Variants in GALNT2 observed in about 807,000 individuals in gnomAD.
The protein encoded by GALNT2 is polypeptide N-acetylgalactosaminyltransferase 2, also known as UDP-GalNAc:polypeptide N-acetylgalactosaminyltransferase 2.
In GALNT2, 31 loss-of-function variants were observed where a neutral mutation model predicts 81.4. The observed-to-expected ratio is 0.38, with a 90% confidence interval of 0.29 to 0.51. The LOEUF is 0.51. Among genes scored for constraint, GALNT2 ranks in the 20% least tolerant of loss-of-function variants. The pLI is 0.87. For missense variants in GALNT2, 629 were observed against 765.7 expected (o/e 0.82, Z 2.11); for synonymous variants, 303 against 287.4 (o/e 1.05, Z -0.55).
intron 1 of GALNT2, among the ~76,000 whole-genome samples, chr1:230,087,008 T>C (rs1056814471): frequency 2.6e-5 from 4 of 152,232 alleles, no homozygotes; most frequent in Non-Finnish European, 5.9e-5. Flanking sequence ...TGTTGCCTGG[T>C]GAGCACTTAA....
intron 6 of GALNT2, among the ~76,000 whole-genome samples, chr1:230,241,021 T>C (rs1665184080): frequency 6.6e-6 from 1 of 152,240 alleles, no homozygotes; most frequent in African/African-American, 2.4e-5. Flanking sequence ...TTTCAGATAA[T>C]TTCATTTTTA....
chr1:230,081,163 AG>A (rs1399171875), intron 1 of GALNT2, among the ~76,000 whole-genome samples: 1 of 152,122 alleles, frequency 6.6e-6, no homozygotes, highest in South Asian at 2.1e-4. Flanking sequence ...GTGAGGATGA[AG>A]GGGCTCCTGC....
intron 6 of GALNT2, among the ~76,000 whole-genome samples, chr1:230,242,505 G>A (rs1428348994): frequency 1.3e-5 from 2 of 151,918 alleles, no homozygotes; most frequent in African/African-American, 4.8e-5. Context: ...ACAACATCCA[G>A]GGATAAATAT....
intron 3 of GALNT2, among the ~76,000 whole-genome samples, chr1:230,210,855 G>A (rs1175303475): frequency 6.6e-6 from 1 of 152,204 alleles, no homozygotes; most frequent in Non-Finnish European, 1.5e-5. Context: ...TTTAAGAGTG[G>A]CTAATCAGGA....
chr1:230,200,364 A>C (rs1462506220), intron 2 of GALNT2, among the ~76,000 whole-genome samples: 2 of 152,126 alleles, frequency 1.3e-5, no homozygotes, highest in African/African-American at 4.8e-5. Flanking sequence ...CGCCCGGCCT[A>C]GTACAGTCAT....
intron 1 of GALNT2, among the ~76,000 whole-genome samples, chr1:230,134,075 T>C (rs542040085): frequency 1.6e-4 from 25 of 152,070 alleles, no homozygotes; most frequent in Non-Finnish European, 2.5e-4. Flanking sequence ...GTTGGTTTGC[T>C]TGATTTTGAT....
chr1:230,163,981 G>C (rs1572037506), intron 1 of GALNT2, among the ~76,000 whole-genome samples: 2 of 152,322 alleles, frequency 1.3e-5, no homozygotes, highest in South Asian at 2.1e-4. Context: ...ATGTGACACT[G>C]GATACACTGC....
chr1:230,279,084 C>A lies in GALNT2; in HGVS notation c.1561-219C>A, dbSNP rs1354816991. On this transcript the variant is annotated intron_variant, in intron 15 of 15. Transcript: ENST00000366672. This position sits in a 1 kb window ranked among gnomAD's most constrained non-coding sequence, Gnocchi z 4.6. ...GGCAGGAGACGTTCTGAGTTTTGAT[C>A]CAAGGCAGAGAATATGTTTCCTTCC... Among the ~76,000 whole-genome samples, 1 of 152,210 alleles carries A rather than the reference C, an allele frequency of 6.6e-6. No homozygotes were observed. Among genetic ancestry groups the A allele is most frequent in the East Asian group, 1.9e-4 (1 of 5,200 alleles).
At chr1:230,072,713 A>G (rs1443066695) in intron 1 of GALNT2, among the ~76,000 whole-genome samples, 1 of 152,178 alleles carries the variant, frequency 6.6e-6, no homozygotes, top group Non-Finnish European at 1.5e-5. Context: ...GCTGGTTGTT[A>G]AATATGCTCT....
intron 1 of GALNT2, among the ~76,000 whole-genome samples, chr1:230,132,774 C>T (rs979410860): frequency 1.3e-5 from 2 of 152,192 alleles, no homozygotes; most frequent in African/African-American, 2.4e-5. Context: ...TGTTTCTCTT[C>T]TTTCTGAATT....
chr1:230,251,902 G>A (rs1011460483), intron 10 of GALNT2, among the ~76,000 whole-genome samples: 2 of 152,128 alleles, frequency 1.3e-5, no homozygotes, highest in African/African-American at 4.8e-5. Flanking sequence ...AGACTGGGGG[G>A]TAGATTTGTT....
intron 1 of GALNT2, among the ~76,000 whole-genome samples, chr1:230,145,205 G>C (rs1414006780): frequency 6.6e-6 from 1 of 151,996 alleles, no homozygotes; most frequent in African/African-American, 2.4e-5. Flanking sequence ...CCCATTCTCA[G>C]ATCGCCCCCT....
intron 2 of GALNT2, among the ~76,000 whole-genome samples, chr1:230,202,690 TA>T (rs946206809): frequency 5.3e-5 from 8 of 152,262 alleles, no homozygotes; most frequent in Admixed American, 6.5e-5. Flanking sequence ...ATTTTTTGTA[TA>T]AACATTTATT....
intron 3 of GALNT2, among the ~76,000 whole-genome samples, chr1:230,222,031 C>CTTTTTTCTTTTTTTTTTTTTTTTT (rs1664562901): frequency 1.0e-5 from 1 of 96,120 alleles, no homozygotes; most frequent in Non-Finnish European, 1.9e-5. Flanking sequence ...CTGCTTTTCT[C>CTTTTTTCTTTTTTTTTTTTTTTTT]TTTTTTTTTT....
intron 1 of GALNT2, among the ~76,000 whole-genome samples, chr1:230,061,079 G>A (rs1659035434): frequency 6.6e-6 from 1 of 152,024 alleles, no homozygotes. Context: ...CCAAGATCTG[G>A]GTGCAAGGGG....
chr1:230,270,698 C>T (rs972654300), intron 14 of GALNT2, among the ~76,000 whole-genome samples: 1 of 152,164 alleles, frequency 6.6e-6, no homozygotes, highest in Non-Finnish European at 1.5e-5. Context: ...TATTTCCCAA[C>T]TGAAAATAGG....
At chr1:230,095,038 G>A (rs1418631815) in intron 1 of GALNT2, among the ~76,000 whole-genome samples, 3 of 152,116 alleles carry the variant, frequency 2.0e-5, no homozygotes, top group African/African-American at 4.8e-5. Flanking sequence ...TTACAAACTG[G>A]CCCTTCTGCT....
chr1:230,133,588 G>A (rs1185004317), intron 1 of GALNT2, among the ~76,000 whole-genome samples: 1 of 151,924 alleles, frequency 6.6e-6, no homozygotes, highest in African/African-American at 2.4e-5. Flanking sequence ...AGATTAGCTG[G>A]GATTATAGGC....
chr1:230,236,350 T>C lies in GALNT2; in HGVS notation c.474-3T>C, dbSNP rs1313489902. On this transcript the variant is annotated splice_polypyrimidine_tract_variant and splice_region_variant and intron_variant, in intron 4 of 15. Coordinates refer to ENST00000366672, the MANE Select transcript of GALNT2 (RefSeq NM_004481.5). ...TAAACTTTATCTTCTTGTCTTTTCT[T>C]AGCGTGCTTAAGAAAAGCCCGCCCC... 1 of 1,613,626 alleles carries C rather than the reference T, an allele frequency of 6.2e-7. No homozygotes were observed. The highest frequency in any genetic ancestry group is 2.2e-5 in the East Asian group (1 of 44,892).
Sources: gnomAD v4.1 joint callset for allele counts (sites outside exome capture counted in the v4.1 genomes callset) on GRCh38, gnomAD v4.1.1 for gene constraint, Gnocchi (gnomAD v3.1) non-coding constraint, MANE v1.5 for transcripts, NCBI Gene and HGNC (gene_info 2026-07-23, HGNC 2026-07-21) for gene names.